Variants in OTUD7B observed in about 807,000 individuals in gnomAD.
OTUD7B encodes OTU deubiquitinase 7B, also known as OTU domain-containing protein 7B.
A neutral mutation model predicts 82.2 loss-of-function variants in OTUD7B; 34 were observed. The observed-to-expected ratio is 0.41, with a 90% CI of 0.31 to 0.55. The LOEUF (loss-of-function observed/expected upper bound fraction) is 0.55. OTUD7B is among the 20% of genes least tolerant of loss of function. The pLI is 0.20. For missense variants in OTUD7B, 944 were observed against 1,062.1 expected, an observed-to-expected ratio of 0.89 and a Z score of 1.55; for synonymous variants, 398 against 402.7, an observed-to-expected ratio of 0.99 and a Z score of 0.14.
At chr1:150,024,346 C>A in the OTUD7B span, among the ~76,000 whole-genome samples, 1 of 152,060 alleles carries the variant, frequency 6.6e-6, no homozygotes, top group Non-Finnish European at 1.5e-5. Flanking sequence ...CCTCTGCACT[C>A]CGGAATGAAG....
chr1:150,030,474 G>A, the OTUD7B span, among the ~76,000 whole-genome samples: 1 of 152,126 alleles, frequency 6.6e-6, no homozygotes. Flanking sequence ...GGGAATTTGT[G>A]CCATTAATGT....
At chr1:149,966,108 C>A (rs2101818714) in intron 4 of OTUD7B, among the ~76,000 whole-genome samples, 1 of 152,316 alleles carries the variant, frequency 6.6e-6, no homozygotes, top group Middle Eastern at 3.4e-3. Flanking sequence ...GGGACACTGG[C>A]AATGACTGAA....
upstream of OTUD7B, among the ~76,000 whole-genome samples, chr1:150,013,783 G>A (rs1361642936): frequency 1.3e-5 from 2 of 150,886 alleles, no homozygotes; most frequent in East Asian, 4.0e-4. Flanking sequence ...TTAGCCAGGC[G>A]AGGTGGCGGG....
chr1:149,967,388 C>G lies in OTUD7B; in HGVS notation c.408G>C (p.Gln136His), dbSNP rs1649589427. 1 of 1,614,158 alleles carries G rather than the reference C, an allele frequency of 6.2e-7. No individual in the cohort carries two copies. The highest frequency in any genetic ancestry group is 8.5e-7 in the Non-Finnish European group (1 of 1,180,008). ...CATTGTATACAGTGAGATCTGGAAG[C>G]TGGAAGGCACAGATGGGCATTTCCA... ...HPLEMPICAF[Q>H]LPDLTVYNED... The change falls in exon 4 of 12, where the codon CAG becomes CAC. Residue 136 changes from glutamine (Q) to histidine (H), a missense_variant. Transcript: ENST00000581312.
intron 10 of OTUD7B, 21 bp downstream of exon 10, chr1:149,948,948 A>C (rs1553772708): frequency 6.7e-7 from 1 of 1,482,508 alleles, no homozygotes; most frequent in African/African-American, 1.4e-5. Context: ...AAAATAGATG[A>C]AAAGACTAGG....
At chr1:150,037,917 G>A in the OTUD7B span, among the ~76,000 whole-genome samples, 2 of 152,014 alleles carry the variant, frequency 1.3e-5, no homozygotes, top group Non-Finnish European at 2.9e-5. Flanking sequence ...TGCCCAGGCT[G>A]GAGTGCAGTG....
chr1:150,011,901 T>A (rs1010672281), upstream of OTUD7B, among the ~76,000 whole-genome samples: 14 of 152,202 alleles, frequency 9.2e-5, no homozygotes, highest in Admixed American at 8.5e-4. Context: ...TTTAGAATTG[T>A]CTAGCTCAGA....
chr1:150,039,033 T>C, the OTUD7B span, among the ~76,000 whole-genome samples: 2 of 152,192 alleles, frequency 1.3e-5, no homozygotes, highest in African/African-American at 4.8e-5. Context: ...TATATGGATC[T>C]ATTTTGATAC....
At chr1:150,007,808 A>G (rs868922178) in intron 1 of OTUD7B, among the ~76,000 whole-genome samples, 1 of 152,222 alleles carries the variant, frequency 6.6e-6, no homozygotes, top group African/African-American at 2.4e-5. Flanking sequence ...TGAATTTATC[A>G]GAGGCTACAA....
intron 1 of OTUD7B, among the ~76,000 whole-genome samples, chr1:149,997,749 G>A (rs587746797): frequency 6.6e-6 from 1 of 152,302 alleles, no homozygotes; most frequent in East Asian, 1.9e-4. Context: ...ATACGGAACT[G>A]AAACAGCTTG....
intron 1 of OTUD7B, among the ~76,000 whole-genome samples, chr1:149,986,542 CAT>C (rs1191003824): frequency 1.3e-5 from 2 of 152,322 alleles, no homozygotes; most frequent in Admixed American, 6.5e-5. Context: ...TACATTCTCT[CAT>C]TTACAACATC....
At position 149,944,664 on chromosome 1, in the gene OTUD7B, C is replaced by T; in HGVS notation, c.1725G>A (p.Lys575=). Residue 575 remains lysine (K), a synonymous_variant, in exon 12 of 12, where the codon AAG becomes AAA. Transcript: ENST00000581312. The part of the protein sequence containing the change: ...EAAGDGPVSE[K]PPAESVGNGG... ...CGTTACCAACAGACTCAGCTGGGGG[C>T]TTCTCAGACACAGGCCCATCCCCAG... 1 of 1,613,900 alleles carries T rather than the reference C, an allele frequency of 6.2e-7. No individual in the cohort carries two copies. Among genetic ancestry groups the T allele is most frequent in the Non-Finnish European group, 8.5e-7 (1 of 1,180,000 alleles).
the OTUD7B span, among the ~76,000 whole-genome samples, chr1:150,029,555 A>C: frequency 6.6e-6 from 1 of 152,232 alleles, no homozygotes; most frequent in African/African-American, 2.4e-5. Context: ...AGGGTCCAAG[A>C]GAAGTTTCAA....
the OTUD7B span, among the ~76,000 whole-genome samples, chr1:150,041,399 C>A: frequency 2.0e-5 from 3 of 152,216 alleles, no homozygotes; most frequent in Non-Finnish European, 2.9e-5. Flanking sequence ...GTGGTGCCAT[C>A]TCAGCTCACT....
At chr1:149,950,789 G>GTTTTTTTTTTTTTTTT (rs76513068) in intron 7 of OTUD7B, among the ~76,000 whole-genome samples, 4 of 132,732 alleles carry the variant, frequency 3.0e-5, no homozygotes, top group Non-Finnish European at 3.2e-5. Flanking sequence ...TGTGTTTTTT[G>GTTTTTTTTTTTTTTTT]TTTTTTTTTC....
the OTUD7B span, among the ~76,000 whole-genome samples, chr1:150,043,579 C>T: frequency 6.6e-6 from 1 of 152,006 alleles, no homozygotes. Flanking sequence ...CCTATTTGGA[C>T]ATAGTCAAGC....
chr1:150,008,976 A>G (rs1553786713), intron 1 of OTUD7B, among the ~76,000 whole-genome samples: 2 of 152,190 alleles, frequency 1.3e-5, no homozygotes, highest in Non-Finnish European at 2.9e-5. Context: ...CCTGCAGAGG[A>G]GCAACATCAA....
rs966427167 is a variant in OTUD7B, at chr1:149,943,656, C to G, written c.*201G>C. On this transcript the variant is annotated 3_prime_UTR_variant, in exon 12 of 12. Coordinates refer to ENST00000581312, the MANE Select transcript of OTUD7B (RefSeq NM_020205.4). ...AGTCAAGCTCTGCAGAGGAATAGTA[C>G]AGCCCCTGAGGTGCCATCCAGCCCC... is the stretch of plus-strand genomic sequence containing the variant. 1.5e-5 allele frequency: 9 copies of G among 606,188 alleles called. No homozygotes were observed. In the African/African-American group the frequency reaches 1.7e-4, roughly 11 times the overall value. The allele number at this position is 606,188 out of a possible 1,614,324, so 37.6% of individuals were successfully genotyped here.
chr1:150,059,058 T>C, the OTUD7B span, among the ~76,000 whole-genome samples: 47 of 148,440 alleles, frequency 3.2e-4, 1 homozygote, highest in South Asian at 8.7e-3. Flanking sequence ...CTTTTCTTTT[T>C]TTTTTTTTTT....
Sources: gnomAD v4.1 joint callset for allele counts (sites outside exome capture counted in the v4.1 genomes callset) on GRCh38, gnomAD v4.1.1 for gene constraint, MANE v1.5 for transcripts, NCBI Gene and HGNC (gene_info 2026-07-23, HGNC 2026-07-21) for gene names.